Variants in FUBP3 observed in about 807,000 individuals in gnomAD.
The protein encoded by FUBP3 is far upstream element binding protein 3.
FUBP3 carries 28 observed loss-of-function variants against 85.6 expected under a neutral mutation model. The ratio of observed to expected loss-of-function variants is 0.33; its 90% CI spans 0.24 to 0.45. The LOEUF (loss-of-function observed/expected upper bound fraction) is 0.45. Among genes scored for constraint, FUBP3 ranks in the 20% least tolerant of loss-of-function variants. The pLI, the probability that FUBP3 is intolerant of heterozygous loss-of-function variation, is 1.00. For synonymous variants in FUBP3, 271 were observed against 271.4 expected (o/e 1.00, Z 0.01); for missense variants, 583 against 755.1 (o/e 0.77, Z 2.67).
intron 1 of FUBP3, among the ~76,000 whole-genome samples, chr9:130,589,675 GTATATATATATATA>G (rs1170568300): frequency 5.8e-5 from 2 of 34,312 alleles, no homozygotes; most frequent in Non-Finnish European, 9.7e-5. Context: ...GTATGTGTGT[GTATATATATATATA>G]TATATATATA....
At chr9:130,583,593 C>T (rs1830220520) in intron 1 of FUBP3, among the ~76,000 whole-genome samples, 1 of 152,186 alleles carries the variant, frequency 6.6e-6, no homozygotes, top group Non-Finnish European at 1.5e-5. Flanking sequence ...GGACTAACTC[C>T]TGCCTGTACA....
At chr9:130,628,543 G>A (rs146951774) in intron 12 of FUBP3, among the ~76,000 whole-genome samples, 128 of 152,212 alleles carry the variant, frequency 8.4e-4, no homozygotes, top group African/African-American at 2.8e-3. Context: ...GTTTTGTGGC[G>A]CCTCCTCACC....
In FUBP3 at chr9:130,605,347, G is replaced by C. The variant is rs182703306; in HGVS notation, c.191-4607G>C. 3.0e-4 allele frequency among the ~76,000 whole-genome samples: 46 copies of C among 152,334 alleles called. No individual in the cohort carries two copies. In the East Asian group the frequency reaches 8.1e-3, roughly 27 times the overall value. ...TCACAGTGCTCAGCACCTGGAAGGC[G>C]CTGACTTGTGAGATGAAGAATGATC... On this transcript the variant is annotated intron_variant, in intron 2 of 18. Transcript: ENST00000319725.
intron 1 of FUBP3, among the ~76,000 whole-genome samples, chr9:130,584,297 G>A (rs1830251852): frequency 6.6e-6 from 1 of 152,100 alleles, no homozygotes; most frequent in African/African-American, 2.4e-5. Flanking sequence ...GGAGGCCGAG[G>A]TGGGCGGATC....
intron 9 of FUBP3, 137 bp downstream of exon 9, chr9:130,620,595 G>A: frequency 4.2e-6 from 2 of 480,462 alleles, no homozygotes; most frequent in Non-Finnish European, 7.4e-6. Flanking sequence ...GCTCCTTAGG[G>A]TGGGTGTGAG....
chr9:130,606,994 A>G (rs1359352128), intron 2 of FUBP3, among the ~76,000 whole-genome samples: 1 of 151,914 alleles, frequency 6.6e-6, no homozygotes, highest in African/African-American at 2.4e-5. Flanking sequence ...GATTTTTAAG[A>G]TTGTTCTGCT....
At chr9:130,602,043 AC>A (rs1375121658) in intron 2 of FUBP3, among the ~76,000 whole-genome samples, 1 of 151,602 alleles carries the variant, frequency 6.6e-6, no homozygotes. Context: ...CTCGTGATCC[AC>A]CTGCCTCGGC....
At position 130,622,451 on chromosome 9, in the gene FUBP3, G is replaced by A. The variant is rs554422128; in HGVS notation, c.772-257G>A. On this transcript the variant is annotated intron_variant, in intron 9 of 18. Transcript: ENST00000319725. ...GTTCAAGACCAGCCTGGCCAGCAAGGTGAAATCTCATCTGTACTAAAAATA... is the reference window on the plus strand; with the variant it reads ...GTTCAAGACCAGCCTGGCCAGCAAGATGAAATCTCATCTGTACTAAAAATA... Among the ~76,000 whole-genome samples the A allele has an allele frequency of 2.0e-5, 3 of 152,194 alleles. No individual in the cohort carries two copies. In the South Asian group the frequency reaches 6.2e-4, roughly 32 times the overall value.
At chr9:130,628,485 C>A (rs1320308445) in intron 12 of FUBP3, among the ~76,000 whole-genome samples, 1 of 152,210 alleles carries the variant, frequency 6.6e-6, no homozygotes, top group African/African-American at 2.4e-5. Flanking sequence ...CTAGTGACCT[C>A]ATTTTGAAGG....
At position 130,612,901 on chromosome 9, in the gene FUBP3, C is replaced by T. The variant is rs1005619674; in HGVS notation, c.275-55C>T. On this transcript the variant is annotated intron_variant, in intron 4 of 18. Transcript: ENST00000319725. The surrounding 1 kb of genome is among the most constrained non-coding windows in gnomAD (Gnocchi z 4.1). ...TGTGGAATTAATTCAGTCATTCCTG[C>T]GTGGTGAAATATGGAATAGGGGCGT... is the stretch of plus-strand genomic sequence containing the variant. 3.1e-5 allele frequency: 35 copies of T among 1,138,532 alleles called. No homozygotes were observed. Among genetic ancestry groups the T allele is most frequent in the South Asian group, 3.7e-5 (3 of 80,128 alleles). 70.5% of individuals were successfully genotyped at this position (1,138,532 alleles called of 1,614,324 possible). A position where few individuals can be genotyped will look rare whatever the true frequency, so the allele number is the denominator to read the frequency against.
At position 130,616,635 on chromosome 9, in the gene FUBP3, G is replaced by T; in HGVS notation, c.567+118G>T. 1 of 896,206 alleles carries T rather than the reference G, an allele frequency of 1.1e-6. No homozygotes were observed. Among genetic ancestry groups the T allele is most frequent in the Admixed American group, 2.3e-5 (1 of 43,262 alleles). The allele number at this position is 896,206 out of a possible 1,614,324, so 55.5% of individuals were successfully genotyped here. On this transcript the variant is annotated intron_variant, in intron 7 of 18. Transcript: ENST00000319725. The surrounding 1 kb of genome is among the most constrained non-coding windows in gnomAD (Gnocchi z 4.7). ...GGCTGGGCTGGCTTTGTGCAGCATT[G>T]TGCTGAGGCTTCCTTCCTCCATTTG...
chr9:130,585,615 C>T (rs1221521565), intron 1 of FUBP3, among the ~76,000 whole-genome samples: 1 of 152,186 alleles, frequency 6.6e-6, no homozygotes, highest in Admixed American at 6.6e-5. Flanking sequence ...TGTAGGACTT[C>T]TCAGAACCTT....
chr9:130,628,104 G>A (rs61116995), intron 12 of FUBP3, among the ~76,000 whole-genome samples: 11,483 of 148,832 alleles, frequency 0.077, 895 homozygotes, highest in African/African-American at 0.19. Flanking sequence ...GCACGCACGC[G>A]CACACACACA....
chr9:130,631,528 G>C, intron 13 of FUBP3, 29 bp from the exon 14 acceptor site: 1 of 1,588,056 alleles, frequency 6.3e-7, no homozygotes, highest in Non-Finnish European at 8.6e-7. Context: ...AACCAACAGC[G>C]GGTGAGAGCT....
chr9:130,581,727 T>A (rs923909568), intron 1 of FUBP3: 3 of 152,222 alleles, frequency 2.0e-5, no homozygotes, highest in Non-Finnish European at 4.4e-5. Flanking sequence ...AGACAGTATA[T>A]TTATTTAAAC....
At chr9:130,636,593 G>T (rs1435817900) in intron 18 of FUBP3, among the ~76,000 whole-genome samples, 1 of 152,236 alleles carries the variant, frequency 6.6e-6, no homozygotes, top group Non-Finnish European at 1.5e-5. Context: ...CCTCTCCTGT[G>T]CACAACCTAG....
Position 130,579,742 on chromosome 9 carries a change from A to C in FUBP3, c.62A>C (p.Asp21Ala). Reference protein sequence around the residue: ...PVGMKAEGFVDALHRVRQIAA... With the variant: ...PVGMKAEGFVAALHRVRQIAA... The stretch of plus-strand genomic sequence containing the variant: ...GGGATGAAGGCCGAGGGCTTCGTGG[A>C]TGCCCTGCACCGGGTCCGGCAGGTA... Residue 21 changes from aspartate (D) to alanine (A), a missense_variant, in exon 1 of 19, where the codon GAT (aspartate) becomes GCT (alanine). Physicochemically the swap from Asp to Ala is moderately radical, Grantham distance 126 (BLOSUM62 -2). This residue lies in a region of FUBP3 where 177 missense variants were observed against 221.9 expected (regional missense o/e 0.80). Transcript: ENST00000319725. 1.2e-5 allele frequency: 16 copies of C among 1,281,504 alleles called. No homozygotes were observed. The highest frequency in any genetic ancestry group is 1.6e-5 in the Non-Finnish European group (16 of 1,010,986). The allele number at this position is 1,281,504 out of a possible 1,614,324, so 79.4% of individuals were successfully genotyped here.
chr9:130,625,663 T>C (rs1307062330), intron 11 of FUBP3, among the ~76,000 whole-genome samples: 2 of 152,218 alleles, frequency 1.3e-5, no homozygotes, highest in Non-Finnish European at 2.9e-5. Context: ...CTCTGTCCGC[T>C]GTTAGATTTA....
At chr9:130,590,576 A>G (rs1247209689) in intron 1 of FUBP3, among the ~76,000 whole-genome samples, 1 of 152,176 alleles carries the variant, frequency 6.6e-6, no homozygotes, top group African/African-American at 2.4e-5. Context: ...TAAGGAGGAG[A>G]GTGGCCTTGG....
Sources: gnomAD v4.1 joint callset for allele counts (sites outside exome capture counted in the v4.1 genomes callset) on GRCh38, gnomAD v4.1.1 for gene constraint, gnomAD v4.1.1 regional missense constraint, Gnocchi (gnomAD v3.1) non-coding constraint, MANE v1.5 for transcripts, NCBI Gene and HGNC (gene_info 2026-07-23, HGNC 2026-07-21) for gene names.